The following CCDC82 variants were observed in gnomAD, a reference collection of about 807,000 sequenced individuals.
CCDC82 encodes the protein coiled-coil domain containing 82.
Under a neutral mutation model 60.6 loss-of-function variants are expected in CCDC82, and 47 were observed. That is an observed-to-expected ratio of 0.77 (90% confidence interval 0.61 to 0.99). The LOEUF is 0.99. Among genes scored for constraint, CCDC82 ranks in the 50% least tolerant of loss-of-function variants. CCDC82 has a pLI of 0.00. For missense variants in CCDC82, 588 were observed against 633.0 expected (o/e 0.93, Z 0.76); for synonymous variants, 212 against 207.4 (o/e 1.02, Z -0.19).
At chr11:96,385,102 A>C (rs1247852260) in intron 3 of CCDC82, 2 of 167,996 alleles carry the variant, frequency 1.2e-5, no homozygotes, top group Admixed American at 6.1e-5. Context: ...GGTAATATTT[A>C]GTATCAAATG....
chr11:96,358,849 G>A, intron 9 of CCDC82, 144 bp downstream of exon 9: 1 of 836,490 alleles, frequency 1.2e-6, no homozygotes, highest in Non-Finnish European at 1.8e-6. Context: ...AGCATGAAAG[G>A]AATGAGCGGA....
At chr11:96,357,293 CA>C (rs1320470141) in intron 9 of CCDC82, 3 of 984,978 alleles carry the variant, frequency 3.0e-6, no homozygotes, top group Non-Finnish European at 3.6e-6. Flanking sequence ...GGAGAAATCT[CA>C]AAAAAATGAA....
chr11:96,366,233 T>C (rs1326511741), intron 7 of CCDC82, among the ~76,000 whole-genome samples: 1 of 152,244 alleles, frequency 6.6e-6, no homozygotes, highest in Non-Finnish European at 1.5e-5. Context: ...GATATATAAG[T>C]GAAAATAAAC....
intron 8 of CCDC82, among the ~76,000 whole-genome samples, chr11:96,359,810 T>A (rs900883782): frequency 3.3e-5 from 5 of 151,476 alleles, no homozygotes; most frequent in East Asian, 1.9e-4. Flanking sequence ...ATACTTTTCT[T>A]TTCCCCCCCC....
intron 5 of CCDC82, 152 bp downstream of exon 5, chr11:96,383,117 C>A (rs1335409551): frequency 3.1e-5 from 19 of 605,146 alleles, no homozygotes; most frequent in Non-Finnish European, 5.2e-5. Flanking sequence ...CCTGAGACCA[C>A]TGGAATAAAC....
chr11:96,384,087 C>T lies in CCDC82; in HGVS notation c.661G>A (p.Val221Met), dbSNP rs770568903. Residue 221 changes from valine (V) to methionine (M), a missense_variant, in exon 4 of 10, where the codon GTG becomes ATG. Val to Met is a conservative substitution (Grantham distance 21, BLOSUM62 1). Transcript: ENST00000646818. The stretch of plus-strand genomic sequence containing the variant: ...TCAGGAGTCTTTTGCTCCATTTCCA[C>T]TGAAGAACCTTCATCTTCAACCACT... ...RRVVEDEGSSVEMEQKTPEKT... is the reference protein window; with the variant it reads ...RRVVEDEGSSMEMEQKTPEKT... The T allele has an allele frequency of 6.2e-7, 1 of 1,613,694 alleles. No homozygotes were observed. The highest frequency in any genetic ancestry group is 8.5e-7 in the Non-Finnish European group (1 of 1,179,700).
intron 9 of CCDC82, chr11:96,356,968 G>A: frequency 2.0e-6 from 2 of 985,436 alleles, no homozygotes; most frequent in South Asian, 9.4e-5. Context: ...GACATAAATG[G>A]GAAATATGAG....
chr11:96,387,464 AGAAG>A (rs1015923165), intron 2 of CCDC82, 62 bp downstream of exon 2: 1 of 152,226 alleles, frequency 6.6e-6, no homozygotes, highest in Non-Finnish European at 1.5e-5. Context: ...CAATGATCCT[AGAAG>A]GAAGATATCT....
At chr11:96,358,739 G>T in intron 9 of CCDC82, 2 of 991,650 alleles carry the variant, frequency 2.0e-6, no homozygotes, top group Non-Finnish European at 2.7e-6. Context: ...AAGGACAGAG[G>T]TCCTTCAATA....
intron 8 of CCDC82, chr11:96,364,334 T>C (rs912628882): frequency 6.6e-6 from 1 of 152,144 alleles, no homozygotes; most frequent in Non-Finnish European, 1.5e-5. Context: ...TAAGTCATTC[T>C]TGCAACCCAG....
At chr11:96,375,137 C>T (rs1865498645) in intron 5 of CCDC82, among the ~76,000 whole-genome samples, 1 of 152,132 alleles carries the variant, frequency 6.6e-6, no homozygotes, top group African/African-American at 2.4e-5. Flanking sequence ...GAAACTGGGA[C>T]TATTAACAGA....
Position 96,359,038 on chromosome 11 carries a change from C to T in CCDC82, c.1521G>A (p.Val507=), listed in dbSNP as rs779688870. The change falls in exon 9 of 10, where the codon GTG becomes GTA. Residue 507 remains valine (V), a synonymous_variant. Transcript: ENST00000646818. ...EVEDEQVKET[V]ERIFRRSKEN... ...CTTTTGACCGCCTGAAAATTCTTTCCACTGTTTCTTTAACTTGTTCATCTT... is the reference window on the plus strand; with the variant it reads ...CTTTTGACCGCCTGAAAATTCTTTCTACTGTTTCTTTAACTTGTTCATCTT... The T allele has an allele frequency of 4.3e-6, 7 of 1,610,044 alleles. No homozygotes were observed. The highest frequency in any genetic ancestry group is 5.9e-6 in the Non-Finnish European group (7 of 1,178,864).
chr11:96,389,294 T>G (rs1345937400), intron 1 of CCDC82: 1 of 152,214 alleles, frequency 6.6e-6, no homozygotes, highest in Admixed American at 6.5e-5. Flanking sequence ...GCAGCAGGAA[T>G]GAGTGGTAGA....
Position 96,383,443 on chromosome 11 carries a change from C to CA in CCDC82, c.816dup (p.Asp273Ter), listed in dbSNP as rs1210614403. The CA allele has an allele frequency of 6.2e-7, 1 of 1,605,148 alleles. No homozygotes were observed. Among genetic ancestry groups the CA allele is most frequent in the Non-Finnish European group, 8.5e-7 (1 of 1,175,854 alleles). On this transcript the variant is annotated frameshift_variant, in exon 5 of 10. Transcript: ENST00000646818. LOFTEE classifies it high-confidence loss of function. Reference sequence around the variant, plus strand: ...TCTTCTTCCTCCTCATCAACTTCATCACTGCTTGGGCAAGATTCCTTTTCA... The same window carrying CA: ...TCTTCTTCCTCCTCATCAACTTCATCAACTGCTTGGGCAAGATTCCTTTTCA...
At chr11:96,370,979 C>T (rs781750027) in intron 7 of CCDC82, 34 bp downstream of exon 7, 4 of 1,464,054 alleles carry the variant, frequency 2.7e-6, no homozygotes, top group South Asian at 1.6e-5. Flanking sequence ...CTGCCCCCAA[C>T]CCCCAAGCAG....
chr11:96,366,165 A>G (rs1466798863), intron 7 of CCDC82, among the ~76,000 whole-genome samples: 5 of 152,188 alleles, frequency 3.3e-5, no homozygotes. Flanking sequence ...ATCGACCTCT[A>G]TCAGCTCAGT....
At chr11:96,382,069 A>G (rs780707653) in intron 5 of CCDC82, 3 of 151,870 alleles carry the variant, frequency 2.0e-5, no homozygotes, top group Non-Finnish European at 4.4e-5. Context: ...GTAGTACTCT[A>G]TAGGATGAAA....
intron 2 of CCDC82, chr11:96,386,976 C>A (rs551851107): frequency 6.6e-6 from 1 of 152,348 alleles, no homozygotes; most frequent in South Asian, 2.1e-4. Context: ...TTTAGCACCA[C>A]ACGAACTAGG....
At position 96,371,443 on chromosome 11, in the gene CCDC82, G is replaced by A. The variant is rs7927403; in HGVS notation, c.1085-306C>T. ...TAAAAATACAAAAAATTAGCCAGGC[G>A]TGGTAGCGGGCACCTGTAGTCCCAG... On this transcript the variant is annotated intron_variant, in intron 6 of 9. Transcript: ENST00000646818. Among the ~76,000 whole-genome samples the A allele has an allele frequency of 2.0e-3, 310 of 152,150 alleles. 1 individual carries two copies. Among genetic ancestry groups the A allele is most frequent in the African/African-American group, 6.8e-3 (284 of 41,512 alleles).
Sources: gnomAD v4.1 joint callset for allele counts (sites outside exome capture counted in the v4.1 genomes callset) on GRCh38, gnomAD v4.1.1 for gene constraint, MANE v1.5 for transcripts, NCBI Gene and HGNC (gene_info 2026-07-23, HGNC 2026-07-21) for gene names.